GRM8: variants seen among roughly 807,000 people sequenced by gnomAD.
The protein encoded by GRM8 is glutamate metabotropic receptor 8.
GRM8 carries 47 observed loss-of-function variants against 87.2 expected under a neutral mutation model. The observed-to-expected ratio is 0.54, with a 90% CI of 0.43 to 0.69. The LOEUF (loss-of-function observed/expected upper bound fraction) is 0.69. Ranked by LOEUF, GRM8 falls within the 30% of genes least tolerant of loss-of-function variation. The pLI, the probability that GRM8 is intolerant of heterozygous loss-of-function variation, is 0.00. For missense variants in GRM8, 1,019 were observed against 1,139.2 expected (o/e 0.89, Z 1.52); for synonymous variants, 396 against 404.5 (o/e 0.98, Z 0.25).
At chr7:126,894,781 A>G (rs1298661168) in intron 6 of GRM8, among the ~76,000 whole-genome samples, 1 of 152,076 alleles carries the variant, frequency 6.6e-6, no homozygotes. Flanking sequence ...GAAGGAAAGA[A>G]GCAAGTATCA....
intron 3 of GRM8, among the ~76,000 whole-genome samples, chr7:127,017,911 A>C (rs1339283715): frequency 6.6e-6 from 1 of 152,108 alleles, no homozygotes; most frequent in Non-Finnish European, 1.5e-5. Flanking sequence ...TTAAAAAAGA[A>C]AAAACAGGAA....
chr7:127,214,239 A>G (rs1431190580), intron 2 of GRM8, among the ~76,000 whole-genome samples: 2 of 152,190 alleles, frequency 1.3e-5, no homozygotes, highest in Admixed American at 6.5e-5. Flanking sequence ...TTGGAGTAAA[A>G]GATTACATGA....
intron 1 of GRM8, among the ~76,000 whole-genome samples, chr7:127,244,897 C>T (rs964236032): frequency 1.3e-5 from 2 of 152,186 alleles, no homozygotes; most frequent in Non-Finnish European, 2.9e-5. Flanking sequence ...GCCAATGGCC[C>T]ACTCGGCTGA....
intron 9 of GRM8, among the ~76,000 whole-genome samples, chr7:126,461,005 CT>C (rs1803839404): frequency 6.6e-6 from 1 of 151,372 alleles, no homozygotes; most frequent in Admixed American, 6.6e-5. Context: ...AAATATCCCT[CT>C]TTTTGATGAG....
chr7:126,778,116 AT>A (rs2151631107), intron 6 of GRM8, among the ~76,000 whole-genome samples: 1 of 152,302 alleles, frequency 6.6e-6, no homozygotes, highest in South Asian at 2.1e-4. Flanking sequence ...TAATGAAGTA[AT>A]TTGAGCCACT....
chr7:126,490,565 C>G (rs1807891303), intron 9 of GRM8, among the ~76,000 whole-genome samples: 1 of 152,032 alleles, frequency 6.6e-6, no homozygotes, highest in South Asian at 2.1e-4. Context: ...GTTCTAGCCT[C>G]CTATTATTCA....
rs17866409 is a variant in GRM8 at position 127,232,487 on chromosome 7, T to A, written c.510+10208A>T. 3.3e-5 allele frequency among the ~76,000 whole-genome samples: 5 copies of A among 152,290 alleles called. No individual in the cohort carries two copies. In the East Asian group the frequency reaches 9.7e-4, roughly 29 times the overall value. On this transcript the variant is annotated intron_variant, in intron 2 of 10. Coordinates refer to ENST00000339582, the MANE Select transcript of GRM8 (RefSeq NM_000845.3). ...CTGGTCTTGAACTCCTGGGCTCAAG[T>A]AATCCATCCACCTTGGCCTCCCACA...
intron 3 of GRM8, among the ~76,000 whole-genome samples, chr7:127,099,254 A>C (rs1288297953): frequency 6.6e-6 from 1 of 152,216 alleles, no homozygotes; most frequent in Non-Finnish European, 1.5e-5. Context: ...TGGATCTAAT[A>C]GCTGAGTGTT....
chr7:126,579,687 G>A (rs755744236), intron 8 of GRM8, among the ~76,000 whole-genome samples: 1 of 152,134 alleles, frequency 6.6e-6, no homozygotes, highest in Non-Finnish European at 1.5e-5. Context: ...ATCGCACCAG[G>A]AGTGTCCATA....
chr7:127,226,657 A>G (rs1331869097), intron 2 of GRM8, among the ~76,000 whole-genome samples: 1 of 152,250 alleles, frequency 6.6e-6, no homozygotes, highest in Admixed American at 6.5e-5. Flanking sequence ...CCATGGTTTC[A>G]ATATAACGTT....
intron 9 of GRM8, among the ~76,000 whole-genome samples, chr7:126,520,948 A>T (rs1812901353): frequency 6.6e-6 from 1 of 152,116 alleles, no homozygotes; most frequent in Non-Finnish European, 1.5e-5. Context: ...TTGCCATTTG[A>T]TTGGACATTT....
At chr7:127,021,815 T>C (rs1816294823) in intron 3 of GRM8, among the ~76,000 whole-genome samples, 2 of 152,108 alleles carry the variant, frequency 1.3e-5, no homozygotes, top group Admixed American at 6.6e-5. Flanking sequence ...TTTAAGGTGG[T>C]AAATACAAGA....
chr7:127,232,212 T>TGTGTGTGTGTGTGTGTGTGTGAGA (rs1491132484), intron 2 of GRM8, among the ~76,000 whole-genome samples: 1 of 143,564 alleles, frequency 7.0e-6, no homozygotes, highest in Admixed American at 7.1e-5. Context: ...TGTGTGTGTG[T>TGTGTGTGTGTGTGTGTGTGTGAGA]GAGAGAGAGA....
At chr7:126,610,714 C>T (rs1006910594) in intron 7 of GRM8, among the ~76,000 whole-genome samples, 1 of 152,134 alleles carries the variant, frequency 6.6e-6, no homozygotes, top group Non-Finnish European at 1.5e-5. Context: ...ACACAGTAAC[C>T]TGTAAATAAA....
chr7:127,089,858 T>A (rs1405373000), intron 3 of GRM8, among the ~76,000 whole-genome samples: 2 of 152,174 alleles, frequency 1.3e-5, no homozygotes, highest in African/African-American at 4.8e-5. Context: ...CAGGAAATAA[T>A]TCATCTGATG....
chr7:126,634,050 T>C (rs1801614581), intron 7 of GRM8, among the ~76,000 whole-genome samples: 1 of 152,116 alleles, frequency 6.6e-6, no homozygotes, highest in Non-Finnish European at 1.5e-5. Flanking sequence ...CTACATAGAA[T>C]TTAGTTTAAA....
At chr7:126,997,309 A>G (rs959207625) in intron 3 of GRM8, among the ~76,000 whole-genome samples, 4 of 151,992 alleles carry the variant, frequency 2.6e-5, no homozygotes, top group African/African-American at 9.6e-5. Flanking sequence ...TACTAAGAGG[A>G]AAATATATAG....
At chr7:126,849,324 G>T (rs1796991861) in intron 6 of GRM8, among the ~76,000 whole-genome samples, 1 of 152,158 alleles carries the variant, frequency 6.6e-6, no homozygotes, top group Admixed American at 6.5e-5. Flanking sequence ...ATACCTGAAA[G>T]CATGGGATTG....
At chr7:126,761,692 T>G (rs1030201102) in intron 7 of GRM8, among the ~76,000 whole-genome samples, 1 of 152,190 alleles carries the variant, frequency 6.6e-6, no homozygotes, top group Non-Finnish European at 1.5e-5. Flanking sequence ...ACCAAGCTCA[T>G]CTTACTGTCT....
Sources: allele counts gnomAD v4.1 joint callset (sites outside exome capture counted in the v4.1 genomes callset), GRCh38; gene constraint gnomAD v4.1.1; transcripts MANE v1.5; gene names NCBI Gene and HGNC (gene_info 2026-07-23, HGNC 2026-07-21).